LPP: variants seen among roughly 807,000 people sequenced by gnomAD.
LPP encodes the protein lipoma-preferred partner.
In LPP, 38 loss-of-function variants were observed where a neutral mutation model predicts 60.4. The ratio of observed to expected loss-of-function variants is 0.63; its 90% CI spans 0.49 to 0.83. LPP has a LOEUF of 0.83. Ranked by LOEUF, LPP falls within the 40% of genes least tolerant of loss-of-function variation. LPP has a pLI of 0.00. For missense variants in LPP, 902 were observed against 783.6 expected (o/e 1.15, Z -1.80); for synonymous variants, 328 against 290.8 (o/e 1.13, Z -1.30).
intron 8 of LPP, among the ~76,000 whole-genome samples, chr3:188,714,024 C>T (rs781193106): frequency 2.0e-5 from 3 of 152,104 alleles, no homozygotes; most frequent in Non-Finnish European, 4.4e-5. Context: ...AAAACCAAGT[C>T]GCAGCCACAA....
intron 3 of LPP, among the ~76,000 whole-genome samples, chr3:188,369,370 A>T (rs998606060): frequency 2.6e-5 from 4 of 151,918 alleles, no homozygotes; most frequent in Non-Finnish European, 5.9e-5. Flanking sequence ...TTAGTAATGG[A>T]AGATATGGGT....
At position 188,783,593 on chromosome 3, in the gene LPP, C is replaced by A. The variant is rs1413822527; in HGVS notation, c.1410+23311C>A. ...AGAGGAGGGAGAGGAATGAAGATAG[C>A]TGTTGGGTACTGGGCTTCATACCTG... On this transcript the variant is annotated intron_variant, in intron 9 of 11. Transcript: ENST00000617246. Among the ~76,000 whole-genome samples, 9 of 152,046 alleles carry A rather than the reference C, an allele frequency of 5.9e-5. No homozygotes were observed. The East Asian group carries it at 1.4e-3, about 23-fold the overall frequency.
At chr3:188,546,999 C>T (rs754440321) in intron 6 of LPP, among the ~76,000 whole-genome samples, 3 of 152,286 alleles carry the variant, frequency 2.0e-5, no homozygotes, top group Non-Finnish European at 2.9e-5. Context: ...AAAGCCATAA[C>T]GACAAGAATA....
chr3:188,251,596 C>G (rs1408641022), intron 2 of LPP, among the ~76,000 whole-genome samples: 1 of 151,970 alleles, frequency 6.6e-6, no homozygotes, highest in Non-Finnish European at 1.5e-5. Context: ...TACACAAATA[C>G]TACTACTATT....
intron 1 of LPP, among the ~76,000 whole-genome samples, chr3:188,189,894 GTGAT>G (rs1727667121): frequency 4.6e-5 from 7 of 151,974 alleles, no homozygotes; most frequent in Admixed American, 3.9e-4. Flanking sequence ...GCGAAGAGGG[GTGAT>G]TGATGAGAGG....
At chr3:188,307,104 C>T (rs910491970) in intron 2 of LPP, among the ~76,000 whole-genome samples, 25 of 152,194 alleles carry the variant, frequency 1.6e-4, no homozygotes, top group Non-Finnish European at 3.5e-4. Context: ...CTATACTTTG[C>T]ATATATCATT....
At chr3:188,333,828 G>A (rs1403600674) in intron 2 of LPP, among the ~76,000 whole-genome samples, 2 of 152,128 alleles carry the variant, frequency 1.3e-5, no homozygotes, top group African/African-American at 4.8e-5. Flanking sequence ...TCAAATGAAG[G>A]TATTTAGCAT....
At chr3:188,483,822 T>C (rs1416882247) in intron 4 of LPP, among the ~76,000 whole-genome samples, 1 of 152,246 alleles carries the variant, frequency 6.6e-6, no homozygotes, top group African/African-American at 2.4e-5. Flanking sequence ...GCATGGACTT[T>C]TACATTAGTC....
intron 7 of LPP, among the ~76,000 whole-genome samples, chr3:188,654,477 G>C (rs1199240821): frequency 6.6e-6 from 1 of 152,072 alleles, no homozygotes; most frequent in African/African-American, 2.4e-5. Context: ...ACACACCTTA[G>C]GGTGAAAATC....
intron 7 of LPP, among the ~76,000 whole-genome samples, chr3:188,637,453 A>C (rs1046992314): frequency 3.3e-5 from 5 of 151,606 alleles, no homozygotes; most frequent in African/African-American, 1.2e-4. Flanking sequence ...AATTAAAAGA[A>C]CTAGAAAAGC....
intron 7 of LPP, among the ~76,000 whole-genome samples, chr3:188,683,172 C>T (rs1414151814): frequency 1.3e-5 from 2 of 151,874 alleles, no homozygotes; most frequent in Non-Finnish European, 2.9e-5. Flanking sequence ...CAGGAACTCT[C>T]CAAGGCCTAT....
At chr3:188,263,234 CAAT>C (rs1734302216) in intron 2 of LPP, among the ~76,000 whole-genome samples, 2 of 152,264 alleles carry the variant, frequency 1.3e-5, no homozygotes, top group South Asian at 4.1e-4. Context: ...ATGTACATAA[CAAT>C]GACACAGTGA....
intron 9 of LPP, among the ~76,000 whole-genome samples, chr3:188,816,133 A>G (rs867845089): frequency 2.0e-4 from 30 of 151,556 alleles, no homozygotes; most frequent in Middle Eastern, 6.9e-3. Flanking sequence ...CTGTATAGAC[A>G]CTTTTCTACA....
intron 9 of LPP, among the ~76,000 whole-genome samples, chr3:188,768,868 T>C (rs528802135): frequency 1.3e-5 from 2 of 152,328 alleles, no homozygotes; most frequent in African/African-American, 4.8e-5. Flanking sequence ...ACATAGTGTT[T>C]CTTAATTTTA....
intron 6 of LPP, among the ~76,000 whole-genome samples, chr3:188,564,641 T>G (rs1415662254): frequency 7.2e-5 from 11 of 151,814 alleles, no homozygotes; most frequent in Non-Finnish European, 1.5e-5. Flanking sequence ...TCAGATGACT[T>G]TAGATGATGG....
At chr3:188,240,517 T>C (rs974850816) in intron 2 of LPP, among the ~76,000 whole-genome samples, 4 of 152,284 alleles carry the variant, frequency 2.6e-5, no homozygotes, top group Admixed American at 1.3e-4. Flanking sequence ...GACTGCTTTA[T>C]TTTGTAGGGA....
intron 6 of LPP, among the ~76,000 whole-genome samples, chr3:188,578,251 G>T: frequency 6.6e-6 from 1 of 151,680 alleles, no homozygotes; most frequent in East Asian, 1.9e-4. Context: ...TCATTCCCTT[G>T]CCCTTTCCCC....
intron 9 of LPP, among the ~76,000 whole-genome samples, chr3:188,816,356 C>T (rs1752503314): frequency 6.6e-6 from 1 of 152,088 alleles, no homozygotes; most frequent in South Asian, 2.1e-4. Context: ...CGCCCACCAC[C>T]ATGCCCGGCT....
At chr3:188,718,818 T>A (rs1037954397) in intron 8 of LPP, among the ~76,000 whole-genome samples, 3 of 152,338 alleles carry the variant, frequency 2.0e-5, no homozygotes, top group African/African-American at 7.2e-5. Flanking sequence ...ATTTAAGATA[T>A]ATTTATTTAG....
Sources: gnomAD v4.1 joint callset for allele counts (sites outside exome capture counted in the v4.1 genomes callset) on GRCh38, gnomAD v4.1.1 for gene constraint, MANE v1.5 for transcripts, NCBI Gene and HGNC (gene_info 2026-07-23, HGNC 2026-07-21) for gene names.